NEGR1: variants seen among roughly 807,000 people sequenced by gnomAD.
NEGR1 encodes the protein neuronal growth regulator 1.
NEGR1 carries 10 observed loss-of-function variants against 40.9 expected under a neutral mutation model. The ratio of observed to expected loss-of-function variants is 0.24; its 90% CI spans 0.15 to 0.42. NEGR1 has a LOEUF of 0.42. Ranked by LOEUF, NEGR1 falls within the 10% of genes least tolerant of loss-of-function variation. The probability of loss-of-function intolerance (pLI) is 1.00; values close to 1 mark genes in which losing one functional copy is unlikely to be tolerated. For synonymous variants in NEGR1, 185 were observed against 166.8 expected (o/e 1.11, Z -0.84); for missense variants, 352 against 438.9 (o/e 0.80, Z 1.77).
At chr1:71,821,302 A>G (rs1658420403) in intron 2 of NEGR1, among the ~76,000 whole-genome samples, 1 of 151,992 alleles carries the variant, frequency 6.6e-6, no homozygotes, top group Non-Finnish European at 1.5e-5. Flanking sequence ...AGGCCTTGGA[A>G]GAACACATGC....
intron 4 of NEGR1, among the ~76,000 whole-genome samples, chr1:71,695,247 A>C (rs1653437918): frequency 6.6e-6 from 1 of 151,830 alleles, no homozygotes; most frequent in Admixed American, 6.6e-5. Flanking sequence ...TTAGTACTAA[A>C]CAAAACCAGT....
At chr1:72,192,443 C>T (rs1652851634) in intron 1 of NEGR1, among the ~76,000 whole-genome samples, 1 of 151,780 alleles carries the variant, frequency 6.6e-6, no homozygotes, top group Admixed American at 6.6e-5. Flanking sequence ...ACTCTAGGAA[C>T]AACATCAGAA....
intron 2 of NEGR1, among the ~76,000 whole-genome samples, chr1:71,919,144 T>C (rs1367255472): frequency 6.6e-6 from 1 of 152,190 alleles, no homozygotes; most frequent in Non-Finnish European, 1.5e-5. Context: ...CACTCAAAGG[T>C]GGACTAACAC....
At chr1:71,484,931 ACT>A (rs1022039942) in intron 6 of NEGR1, 22 of 151,620 alleles carry the variant, frequency 1.5e-4, no homozygotes, top group African/African-American at 5.3e-4. Context: ...CTTATACAAA[ACT>A]CTGTCTACAA....
intron 2 of NEGR1, 83 bp downstream of exon 2, chr1:71,934,996 T>G (rs575835512): frequency 1.3e-5 from 10 of 766,232 alleles, no homozygotes; most frequent in Non-Finnish European, 2.2e-5. Context: ...CATTGTTAAC[T>G]GCTTCCTAGT....
intron 1 of NEGR1, among the ~76,000 whole-genome samples, chr1:72,165,570 TC>T (rs1450589994): frequency 6.6e-6 from 1 of 151,968 alleles, no homozygotes; most frequent in African/African-American, 2.4e-5. Flanking sequence ...AAGAAGCATT[TC>T]CTATTCTTTG....
chr1:71,909,998 A>G (rs200410808), intron 2 of NEGR1, among the ~76,000 whole-genome samples: 2 of 152,326 alleles, frequency 1.3e-5, no homozygotes, highest in East Asian at 3.9e-4. Context: ...CAGGAAGAAA[A>G]GCAAGAAATT....
At chr1:72,172,364 AC>A (rs369562183) in intron 1 of NEGR1, among the ~76,000 whole-genome samples, 193 of 152,236 alleles carry the variant, frequency 1.3e-3, no homozygotes, top group African/African-American at 4.5e-3. Flanking sequence ...AGATAGCATG[AC>A]CATACCAACA....
chr1:71,940,702 G>A (rs1645950663), intron 1 of NEGR1, among the ~76,000 whole-genome samples: 1 of 152,112 alleles, frequency 6.6e-6, no homozygotes, highest in African/African-American at 2.4e-5. Context: ...TGATCAAACT[G>A]TTAGGAAAAT....
At chr1:72,113,794 T>A (rs1042091724) in intron 1 of NEGR1, among the ~76,000 whole-genome samples, 3 of 151,774 alleles carry the variant, frequency 2.0e-5, no homozygotes, top group Non-Finnish European at 2.9e-5. Flanking sequence ...ACAAATACTG[T>A]CAGGCTGTCA....
chr1:72,131,159 A>T (rs907297055), intron 1 of NEGR1, among the ~76,000 whole-genome samples: 2 of 152,186 alleles, frequency 1.3e-5, no homozygotes, highest in Non-Finnish European at 2.9e-5. Flanking sequence ...AAGCTTATGG[A>T]TAAGATTAAC....
At chr1:71,446,143 A>G (rs1337616338) in intron 6 of NEGR1, among the ~76,000 whole-genome samples, 1 of 152,222 alleles carries the variant, frequency 6.6e-6, no homozygotes, top group Non-Finnish European at 1.5e-5. Context: ...TAGAACATCT[A>G]TGACCATATT....
At chr1:71,733,711 T>C (rs189016376) in intron 3 of NEGR1, among the ~76,000 whole-genome samples, 3 of 152,246 alleles carry the variant, frequency 2.0e-5, no homozygotes, top group Admixed American at 2.0e-4. Flanking sequence ...TACTGGCAAA[T>C]TCATCAGAGC....
At chr1:71,848,638 AT>A (rs1659500111) in intron 2 of NEGR1, among the ~76,000 whole-genome samples, 1 of 152,186 alleles carries the variant, frequency 6.6e-6, no homozygotes, top group Non-Finnish European at 1.5e-5. Flanking sequence ...TATTTTAAAA[AT>A]ATCACTGCTT....
chr1:71,512,120 T>G (rs1164027981), intron 6 of NEGR1, among the ~76,000 whole-genome samples: 1 of 152,158 alleles, frequency 6.6e-6, no homozygotes, highest in African/African-American at 2.4e-5. Context: ...AAAACCAATA[T>G]TATCCTCTCA....
chr1:71,511,852 C>T (rs1647075381), intron 6 of NEGR1, among the ~76,000 whole-genome samples: 1 of 152,150 alleles, frequency 6.6e-6, no homozygotes. Context: ...TGAGGCCCAT[C>T]TTTCTTTATG....
At chr1:71,858,120 G>A (rs1427008141) in intron 2 of NEGR1, among the ~76,000 whole-genome samples, 1 of 152,028 alleles carries the variant, frequency 6.6e-6, no homozygotes, top group East Asian at 1.9e-4. Flanking sequence ...ATCATCACTG[G>A]TCACTCTCTG....
At chr1:72,234,345 A>G (rs1020838483) in intron 1 of NEGR1, among the ~76,000 whole-genome samples, 16 of 152,212 alleles carry the variant, frequency 1.1e-4, no homozygotes, top group African/African-American at 3.9e-4. Flanking sequence ...ATAGTATTCC[A>G]TTCTGGACAC....
intron 6 of NEGR1, among the ~76,000 whole-genome samples, chr1:71,547,936 C>CAGT (rs1570014958): frequency 6.6e-6 from 1 of 151,840 alleles, no homozygotes; most frequent in East Asian, 2.0e-4. Flanking sequence ...CACGTCTGAT[C>CAGT]AGTAGCCTGG....
Sources: allele counts gnomAD v4.1 joint callset (sites outside exome capture counted in the v4.1 genomes callset), GRCh38; gene constraint gnomAD v4.1.1; transcripts MANE v1.5; gene names NCBI Gene and HGNC (gene_info 2026-07-23, HGNC 2026-07-21).